FAM53A: variants seen among roughly 807,000 people sequenced by gnomAD.
FAM53A encodes family with sequence similarity 53 member A, also known as protein FAM53A.
Under a neutral mutation model 26.6 loss-of-function variants are expected in FAM53A, and 28 were observed. The ratio of observed to expected loss-of-function variants is 1.05; its 90% CI spans 0.78 to 1.45. The LOEUF is 1.45. Among genes scored for constraint, FAM53A ranks in the 40% most tolerant of loss-of-function variants. The pLI is 0.00. For missense variants in FAM53A, 650 were observed against 575.8 expected (o/e 1.13, Z -1.32); for synonymous variants, 290 against 253.1 (o/e 1.15, Z -1.38).
At chr4:1,644,065 G>A (rs766222583) in intron 4 of FAM53A, 92 of 1,314,470 alleles carry the variant, frequency 7.0e-5, no homozygotes, top group Middle Eastern at 2.0e-4. Flanking sequence ...TCACCAGCTC[G>A]GTCTGGTGTC....
At chr4:1,638,010 G>A (rs907772579), downstream of FAM53A, among the ~76,000 whole-genome samples, 6 of 151,816 alleles carry the variant, frequency 4.0e-5, no homozygotes, top group Non-Finnish European at 5.9e-5. Flanking sequence ...CAGGCCCACC[G>A]TGGGTGACAC....
At chr4:1,586,901 G>C in the FAM53A span, among the ~76,000 whole-genome samples, 1 of 151,934 alleles carries the variant, frequency 6.6e-6, no homozygotes, top group Non-Finnish European at 1.5e-5. Context: ...ACCAACACTT[G>C]TTATCTTTCA....
chr4:1,641,724 C>T (rs748278604), intron 4 of FAM53A, 117 bp from the exon 5 acceptor site: 2 of 1,022,012 alleles, frequency 2.0e-6, no homozygotes, highest in Non-Finnish European at 3.0e-6. Flanking sequence ...CAAGACCACA[C>T]AAAGCAGGGG....
At chr4:1,683,869 A>T (rs1715626752) in intron 1 of FAM53A, 1 of 152,232 alleles carries the variant, frequency 6.6e-6, no homozygotes, top group South Asian at 2.1e-4. Context: ...CGGCTTCGGA[A>T]TCCGCCGCAA....
intron 2 of FAM53A, among the ~76,000 whole-genome samples, chr4:1,664,816 A>G (rs1714106824): frequency 6.6e-6 from 1 of 151,728 alleles, no homozygotes. Context: ...TGTCTCTACT[A>G]AAAATACAAA....
At chr4:1,592,494 C>G in the FAM53A span, among the ~76,000 whole-genome samples, 2 of 150,072 alleles carry the variant, frequency 1.3e-5, no homozygotes, top group Non-Finnish European at 3.0e-5. Flanking sequence ...CTGGGGGGCG[C>G]TGCGGTCCTT....
downstream of FAM53A, among the ~76,000 whole-genome samples, chr4:1,617,690 T>C (rs1207030211): frequency 6.6e-6 from 1 of 152,196 alleles, no homozygotes; most frequent in Non-Finnish European, 1.5e-5. Flanking sequence ...TTAGCCACTC[T>C]TTTTTAGGTC....
chr4:1,666,538 C>T (rs1395229076), intron 2 of FAM53A, among the ~76,000 whole-genome samples: 5 of 152,250 alleles, frequency 3.3e-5, no homozygotes, highest in South Asian at 4.1e-4. Flanking sequence ...CTCCCAGGCC[C>T]GGCAGGCATG....
downstream of FAM53A, among the ~76,000 whole-genome samples, chr4:1,615,310 A>G (rs60605978): frequency 0.14 from 6,466 of 45,768 alleles, 610 homozygotes; most frequent in African/African-American, 0.38. Context: ...ATGCGGCCAC[A>G]CCCACCCCAC....
chr4:1,609,487 A>T, the FAM53A span, among the ~76,000 whole-genome samples: 1 of 152,070 alleles, frequency 6.6e-6, no homozygotes, highest in Non-Finnish European at 1.5e-5. Flanking sequence ...ATGGGTGCAC[A>T]TACCCTCATA....
intron 1 of FAM53A, among the ~76,000 whole-genome samples, chr4:1,620,232 AAAAT>A (rs1235552488): frequency 7.2e-5 from 11 of 151,928 alleles, no homozygotes; most frequent in African/African-American, 1.9e-4. Context: ...TAATTAATTA[AAAAT>A]AAATAAATAA....
the FAM53A span, among the ~76,000 whole-genome samples, chr4:1,606,771 C>G: frequency 6.6e-6 from 1 of 152,352 alleles, no homozygotes; most frequent in East Asian, 1.9e-4. Context: ...ACTCGGGCAG[C>G]CACGCCCCCT....
chr4:1,649,120 A>C (rs1712503133), intron 4 of FAM53A, among the ~76,000 whole-genome samples: 1 of 145,076 alleles, frequency 6.9e-6, no homozygotes, highest in Non-Finnish European at 1.5e-5. Context: ...AGGGAAAGGG[A>C]AGAGGAAGGG....
intron 1 of FAM53A, among the ~76,000 whole-genome samples, chr4:1,631,971 T>C (rs1715627953): frequency 6.6e-6 from 1 of 152,092 alleles, no homozygotes; most frequent in Non-Finnish European, 1.5e-5. Context: ...GAGACCAGCC[T>C]GGCCAACATG....
At chr4:1,648,593 T>A (rs192876956) in intron 4 of FAM53A, among the ~76,000 whole-genome samples, 1 of 152,120 alleles carries the variant, frequency 6.6e-6, no homozygotes, top group African/African-American at 2.4e-5. Context: ...CAAACCTTTT[T>A]ACCAGAAAGC....
chr4:1,661,849 C>A (rs893649029), intron 2 of FAM53A, among the ~76,000 whole-genome samples: 1 of 152,094 alleles, frequency 6.6e-6, no homozygotes, highest in Admixed American at 6.5e-5. Flanking sequence ...CATTCCTCCA[C>A]ATGGTTACAC....
Position 1,672,300 on chromosome 4 carries a change from G to A in FAM53A, c.-164-3395C>T, listed in dbSNP as rs1160831130. On this transcript the variant is annotated intron_variant, in intron 1 of 4. Transcript: ENST00000308132. ...AGGAACCAGCCACCCACAGACCCAG[G>A]AACCCATGAACCCATGGACCCACAA... 5.3e-5 allele frequency among the ~76,000 whole-genome samples: 7 copies of A among 131,424 alleles called. 1 individual carries two copies. Among genetic ancestry groups the A allele is most frequent in the African/African-American group, 8.5e-5 (3 of 35,198 alleles). 86.2% of individuals were successfully genotyped at this position (131,424 alleles called of 152,430 possible).
At chr4:1,652,388 T>TCACACC (rs1712923802) in intron 4 of FAM53A, among the ~76,000 whole-genome samples, 2 of 117,376 alleles carry the variant, frequency 1.7e-5, no homozygotes, top group Admixed American at 8.8e-5. Context: ...ACACATCACA[T>TCACACC]GCACACCACA....
the FAM53A span, among the ~76,000 whole-genome samples, chr4:1,591,388 G>C: frequency 1.5e-4 from 23 of 152,140 alleles, no homozygotes; most frequent in African/African-American, 5.1e-4. Context: ...GACCTGTGAT[G>C]CACCTAAAGA....
Sources: allele counts gnomAD v4.1 joint callset (sites outside exome capture counted in the v4.1 genomes callset), GRCh38; gene constraint gnomAD v4.1.1; transcripts MANE v1.5; gene names NCBI Gene and HGNC (gene_info 2026-07-23, HGNC 2026-07-21).